NLGN4Y: variants seen among roughly 807,000 people sequenced by gnomAD.
NLGN4Y encodes neuroligin 4 Y-linked.
A neutral mutation model predicts 8.4 loss-of-function variants in NLGN4Y; 4 were observed. The ratio of observed to expected loss-of-function variants is 0.48; its 90% confidence interval spans 0.23 to 1.09. The LOEUF (loss-of-function observed/expected upper bound fraction) is 1.09, where lower values mean the gene tolerates loss of function less well. NLGN4Y is among the 50% of genes least tolerant of loss of function. The pLI is 0.19. For missense variants in NLGN4Y, 90 were observed against 192.3 expected (o/e 0.47, Z 3.15); for synonymous variants, 35 against 75.6 (o/e 0.46, Z 2.78).
At chrY:14,639,554 A>G in intron 2 of NLGN4Y, 1 of 250,832 alleles carries the variant, frequency 4.0e-6, no homozygotes, top group South Asian at 3.3e-5. Flanking sequence ...GATTTATCCC[A>G]CTGGGACGGA....
intron 1 of NLGN4Y, among the ~76,000 whole-genome samples, chrY:14,598,014 G>T (rs2150496224): frequency 3.0e-5 from 1 of 33,325 alleles, no homozygotes; most frequent in South Asian, 6.8e-4. Flanking sequence ...ATACAGTGTC[G>T]ATTGGTGCAC....
At chrY:14,586,985 TC>T (rs2080343710) in intron 1 of NLGN4Y, among the ~76,000 whole-genome samples, 1 of 33,403 alleles carries the variant, frequency 3.0e-5, no homozygotes. Context: ...CCATCTGCAG[TC>T]CCACCACCAG....
chrY:14,575,155 C>T (rs1002463687), intron 1 of NLGN4Y, among the ~76,000 whole-genome samples: 1 of 33,469 alleles, frequency 3.0e-5, no homozygotes. Flanking sequence ...GATTGGGGAA[C>T]TTCTCCTGGA....
At chrY:14,639,658 T>A in intron 2 of NLGN4Y, 1 of 164,292 alleles carries the variant, frequency 6.1e-6, no homozygotes, top group Admixed American at 8.4e-5. Flanking sequence ...GGAAAGACAG[T>A]TCCACTTGAT....
intron 2 of NLGN4Y, among the ~76,000 whole-genome samples, chrY:14,673,800 C>T: frequency 3.0e-5 from 1 of 33,346 alleles, no homozygotes; most frequent in African/African-American, 1.2e-4. Context: ...CAATGGTAGA[C>T]TGGATTAAGA....
intron 4 of NLGN4Y, among the ~76,000 whole-genome samples, chrY:14,752,648 T>C (rs2081045194): frequency 2.9e-5 from 1 of 33,942 alleles, no homozygotes; most frequent in Non-Finnish European, 7.3e-5. Flanking sequence ...AGTATGGTAA[T>C]GTTTGTTTTA....
chrY:14,724,861 C>T, intron 4 of NLGN4Y, among the ~76,000 whole-genome samples: 1 of 32,278 alleles, frequency 3.1e-5, no homozygotes, highest in Admixed American at 2.9e-4. Context: ...AGGCTGGTTT[C>T]GAATTCCTGA....
chrY:14,776,409 T>G, intron 4 of NLGN4Y, among the ~76,000 whole-genome samples: 1 of 30,618 alleles, frequency 3.3e-5, no homozygotes, highest in Non-Finnish European at 7.8e-5. Context: ...AATATATATT[T>G]TATATAATTA....
At chrY:14,603,704 T>C in intron 1 of NLGN4Y, among the ~76,000 whole-genome samples, 1 of 33,192 alleles carries the variant, frequency 3.0e-5, no homozygotes. Context: ...AGGATATATA[T>C]GACTTTGAGT....
At chrY:14,674,455 A>G in intron 2 of NLGN4Y, among the ~76,000 whole-genome samples, 1 of 30,500 alleles carries the variant, frequency 3.3e-5, no homozygotes, top group Non-Finnish European at 7.8e-5. Context: ...TGCAATCACA[A>G]CCCACATCCA....
intron 4 of NLGN4Y, among the ~76,000 whole-genome samples, chrY:14,739,818 G>T (rs2081001593): frequency 3.1e-5 from 1 of 31,964 alleles, no homozygotes. Context: ...CAACCTAGCT[G>T]CAAGGGACAG....
intron 1 of NLGN4Y, among the ~76,000 whole-genome samples, chrY:14,613,415 AGTTT>A (rs2080476211): frequency 3.3e-4 from 11 of 33,206 alleles, no homozygotes; most frequent in East Asian, 7.9e-4. Flanking sequence ...ATGGCTGCCC[AGTTT>A]GTTTGTTTGT....
At chrY:14,575,085 G>A (rs113417169) in intron 1 of NLGN4Y, among the ~76,000 whole-genome samples, 87 of 32,381 alleles carry the variant, frequency 2.7e-3, no homozygotes, top group African/African-American at 9.6e-3. Flanking sequence ...GCTCTTCTTG[G>A]GGAGTATCTT....
At chrY:14,701,185 G>A (rs2080846408) in intron 2 of NLGN4Y, among the ~76,000 whole-genome samples, 3 of 16,890 alleles carry the variant, frequency 1.8e-4, no homozygotes, top group Non-Finnish European at 3.9e-4. Flanking sequence ...TGCTAAGCCC[G>A]CATGCACACG....
At chrY:14,790,888 AATGTACACTC>A (rs2042983163) in intron 4 of NLGN4Y, among the ~76,000 whole-genome samples, 1 of 33,808 alleles carries the variant, frequency 3.0e-5, no homozygotes, top group Non-Finnish European at 7.3e-5. Context: ...AGTTAATATT[AATGTACACTC>A]TTAACTACAA....
rs2043226510 is a variant in NLGN4Y, at chrY:14,842,000, C to T, written c.*738C>T. On this transcript the variant is annotated 3_prime_UTR_variant, in exon 7 of 7. Transcript: ENST00000684976. Reference sequence around the variant, plus strand: ...TTTCAAACACATATTAGTCCTACCACCTTAGTTCCTCTACAGCAAAAGAGG... The same window carrying T: ...TTTCAAACACATATTAGTCCTACCATCTTAGTTCCTCTACAGCAAAAGAGG... 4 of 120,111 alleles carry T rather than the reference C, an allele frequency of 3.3e-5. No homozygotes were observed. The African/African-American group carries it at 3.8e-4, about 11-fold the overall frequency. 30.0% of individuals were successfully genotyped at this position (120,111 alleles called of 400,897 possible).
intron 2 of NLGN4Y, among the ~76,000 whole-genome samples, chrY:14,702,383 G>A (rs1240273175): frequency 3.8e-4 from 12 of 31,388 alleles, no homozygotes; most frequent in Admixed American, 1.8e-3. Context: ...TCATTGTTCA[G>A]TTCCCACCTG....
upstream of NLGN4Y, chrY:14,523,519 G>C: frequency 8.4e-6 from 1 of 118,393 alleles, no homozygotes; most frequent in African/African-American, 1.0e-4. Flanking sequence ...CAGGGGAAAA[G>C]GAGGGAAAAG....
chrY:14,558,447 T>A (rs113044110), intron 1 of NLGN4Y, among the ~76,000 whole-genome samples: 293 of 33,350 alleles, frequency 8.8e-3, no homozygotes, highest in African/African-American at 0.032. Flanking sequence ...ATATTTTTAA[T>A]ATGGTGTGAA....
Sources: allele counts gnomAD v4.1 joint callset (sites outside exome capture counted in the v4.1 genomes callset), GRCh38; gene constraint gnomAD v4.1.1; transcripts MANE v1.5; gene names NCBI Gene and HGNC (gene_info 2026-07-23, HGNC 2026-07-21).